Variants in CLRN1 observed in about 807,000 individuals in gnomAD.
CLRN1 encodes clarin 1.
CLRN1 carries 15 observed loss-of-function variants against 18.7 expected under a neutral mutation model. That is an observed-to-expected ratio of 0.80 (90% CI 0.54 to 1.23). The LOEUF (loss-of-function observed/expected upper bound fraction) is 1.23, where lower values mean the gene tolerates loss of function less well. CLRN1 is among the 50% of genes most tolerant of loss of function. CLRN1 has a pLI of 0.00. For missense variants in CLRN1, 311 were observed against 277.5 expected (o/e 1.12, Z -0.86); for synonymous variants, 104 against 102.9 (o/e 1.01, Z -0.07).
rs1031347433 is a variant in CLRN1 at position 150,941,833 on chromosome 3, C to A, written c.254-72G>T. ...AGTCTGCAAGTATAATTTTAAAAATCAAATCTCTCTTTTTTAATTTCAAAC... is the reference window on the plus strand; with the variant it reads ...AGTCTGCAAGTATAATTTTAAAAATAAAATCTCTCTTTTTTAATTTCAAAC... On this transcript the variant is annotated intron_variant, in intron 1 of 2. Transcript: ENST00000327047. 8.3e-6 allele frequency: 11 copies of A among 1,332,506 alleles called. No homozygotes were observed. The African/African-American group carries it at 1.6e-4, about 20-fold the overall frequency. The allele number at this position is 1,332,506 out of a possible 1,614,324, so 82.5% of individuals were successfully genotyped here. A position where few individuals can be genotyped will look rare whatever the true frequency, so the allele number is the denominator to read the frequency against.
chr3:150,954,182 G>C (rs930282217), intron 1 of CLRN1, among the ~76,000 whole-genome samples: 2 of 152,096 alleles, frequency 1.3e-5, no homozygotes, highest in African/African-American at 4.8e-5. Flanking sequence ...TCTACCCCCA[G>C]GTCCTATGTG....
chr3:150,944,048 A>G (rs748171585), intron 1 of CLRN1: 24 of 859,642 alleles, frequency 2.8e-5, no homozygotes, highest in Middle Eastern at 5.4e-4. Flanking sequence ...GAAATAAAAT[A>G]GGGTAATGGG....
At chr3:150,957,150 T>G (rs2107975392) in intron 1 of CLRN1, among the ~76,000 whole-genome samples, 1 of 152,170 alleles carries the variant, frequency 6.6e-6, no homozygotes, top group East Asian at 1.9e-4. Flanking sequence ...TCTAATTCAC[T>G]ATTTACCCTC....
intron 1 of CLRN1, among the ~76,000 whole-genome samples, chr3:150,967,896 C>T (rs1032908998): frequency 5.3e-5 from 8 of 152,180 alleles, no homozygotes; most frequent in African/African-American, 1.9e-4. Flanking sequence ...GTAGTTTCAA[C>T]ATTTTCTCTC....
chr3:150,953,985 T>A (rs1714616431), intron 1 of CLRN1, among the ~76,000 whole-genome samples: 1 of 152,248 alleles, frequency 6.6e-6, no homozygotes, highest in Non-Finnish European at 1.5e-5. Context: ...TCCTTCCTAT[T>A]TTTAAGATTA....
chr3:150,968,756 A>G (rs911909519), intron 1 of CLRN1, among the ~76,000 whole-genome samples: 4 of 152,206 alleles, frequency 2.6e-5, no homozygotes, highest in African/African-American at 9.7e-5. Flanking sequence ...AACACCATCA[A>G]TCACCAACTT....
chr3:150,930,447 A>G (rs1713075651), intron 2 of CLRN1, among the ~76,000 whole-genome samples: 2 of 152,260 alleles, frequency 1.3e-5, no homozygotes, highest in Non-Finnish European at 2.9e-5. Flanking sequence ...CAGCTTAATC[A>G]TCATCAAATA....
At chr3:150,968,229 C>T (rs758372850) in intron 1 of CLRN1, among the ~76,000 whole-genome samples, 6 of 151,938 alleles carry the variant, frequency 3.9e-5, no homozygotes, top group Non-Finnish European at 7.4e-5. Flanking sequence ...TTCAAATTAC[C>T]GAAACAGAAA....
chr3:150,947,461 A>G (rs2107961937), intron 1 of CLRN1, among the ~76,000 whole-genome samples: 1 of 152,336 alleles, frequency 6.6e-6, no homozygotes, highest in East Asian at 1.9e-4. Context: ...TAGTAGTAGG[A>G]GACTTCAGTG....
At chr3:150,962,350 CA>C (rs1715076817) in intron 1 of CLRN1, among the ~76,000 whole-genome samples, 3 of 152,162 alleles carry the variant, frequency 2.0e-5, no homozygotes. Flanking sequence ...GATGAGATGA[CA>C]GGCAAATTTT....
At chr3:150,931,779 T>A (rs114713654) in intron 2 of CLRN1, among the ~76,000 whole-genome samples, 1 of 152,308 alleles carries the variant, frequency 6.6e-6, no homozygotes, top group East Asian at 1.9e-4. Context: ...TTCCCAGTTA[T>A]CCATGTACAC....
rs111033422 is a variant in CLRN1 at position 150,972,703 on chromosome 3, T to G, written c.6A>C (p.Pro2=). The G allele has an allele frequency of 8.6e-3, 13,887 of 1,614,180 alleles. 665 individuals carry two copies. The African/African-American group carries it at 0.13, about 15-fold the overall frequency. The change falls in exon 1 of 3, where the codon CCA becomes CCC. Residue 2 remains proline, a synonymous_variant. Transcript: ENST00000327047. ...AAAAAATGATTTTCTTCTGTTGGCT[T>G]GGCATGATGAGAAACGGCTTCTGTG... The part of the protein sequence containing the change: M[P]SQQKKIIFCM...
chr3:150,955,556 A>G (rs1326621846), intron 1 of CLRN1, among the ~76,000 whole-genome samples: 1 of 152,214 alleles, frequency 6.6e-6, no homozygotes, highest in Non-Finnish European at 1.5e-5. Flanking sequence ...TGAAAGAGGC[A>G]GGTTGGCAAT....
Position 150,972,696 on chromosome 3 carries a change from G to C in CLRN1, c.13C>G (p.Gln5Glu). Residue 5 changes from glutamine to glutamate, a missense_variant, in exon 1 of 3, where the codon CAG (glutamine) becomes GAG (glutamate). Coordinates refer to ENST00000327047, the MANE Select transcript of CLRN1 (RefSeq NM_174878.3). MPSQ[Q>E]KKIIFCMAGV... The stretch of plus-strand genomic sequence containing the variant: ...GCCATGCAAAAAATGATTTTCTTCT[G>C]TTGGCTTGGCATGATGAGAAACGGC... 1 of 1,614,216 alleles carries C rather than the reference G, an allele frequency of 6.2e-7. No individual in the cohort carries two copies. The highest frequency in any genetic ancestry group is 1.1e-5 in the South Asian group (1 of 91,086).
intron 1 of CLRN1, among the ~76,000 whole-genome samples, chr3:150,963,030 T>A (rs1176240892): frequency 6.6e-6 from 1 of 152,176 alleles, no homozygotes; most frequent in Admixed American, 6.5e-5. Context: ...TGGTGAACAC[T>A]CCTATTCAAC....
chr3:150,939,250 G>T (rs948501887), intron 2 of CLRN1, among the ~76,000 whole-genome samples: 1 of 152,138 alleles, frequency 6.6e-6, no homozygotes, highest in African/African-American at 2.4e-5. Context: ...AGTTCTCCCT[G>T]GTGGCAGCAA....
intron 1 of CLRN1, among the ~76,000 whole-genome samples, chr3:150,961,848 ATCACCCATAATC>A (rs1241614053): frequency 6.6e-6 from 1 of 152,170 alleles, no homozygotes; most frequent in Non-Finnish European, 1.5e-5. Flanking sequence ...CTCCTTTAAT[ATCACCCATAATC>A]TCACACTCAG....
rs1712829404 is a variant in CLRN1, at chr3:150,927,027, C to T, written c.*909G>A. The T allele has an allele frequency of 7.2e-7, 1 of 1,385,466 alleles. No individual in the cohort carries two copies. The highest frequency in any genetic ancestry group is 1.2e-5 in the South Asian group (1 of 80,296). 85.8% of individuals were successfully genotyped at this position (1,385,466 alleles called of 1,614,324 possible). A position where few individuals can be genotyped will look rare whatever the true frequency, so the allele number is the denominator to read the frequency against. ...TAATTGCATATTAGTACTCGAGACACTATAGCTAGAAAAACAGCCCCTAAT... is the reference window on the plus strand; with the variant it reads ...TAATTGCATATTAGTACTCGAGACATTATAGCTAGAAAAACAGCCCCTAAT... On this transcript the variant is annotated 3_prime_UTR_variant, in exon 3 of 3. Coordinates refer to ENST00000327047, the MANE Select transcript of CLRN1 (RefSeq NM_174878.3).
intron 1 of CLRN1, among the ~76,000 whole-genome samples, chr3:150,943,272 C>G (rs1321384455): frequency 6.6e-6 from 1 of 152,120 alleles, no homozygotes; most frequent in Non-Finnish European, 1.5e-5. Flanking sequence ...TCCCTGTGTG[C>G]CCGCTCTTTC....
Sources: gnomAD v4.1 joint callset for allele counts (sites outside exome capture counted in the v4.1 genomes callset) on GRCh38, gnomAD v4.1.1 for gene constraint, MANE v1.5 for transcripts, NCBI Gene and HGNC (gene_info 2026-07-23, HGNC 2026-07-21) for gene names.